Variants in CORO7 observed in about 807,000 individuals in gnomAD.
CORO7 encodes the protein coronin 7, also known as coronin-7.
A neutral mutation model predicts 126.6 loss-of-function variants in CORO7; 107 were observed. The observed-to-expected ratio is 0.85, with a 90% confidence interval of 0.72 to 0.99. The LOEUF (loss-of-function observed/expected upper bound fraction) is 0.99, where lower values mean the gene tolerates loss of function less well. CORO7 is among the 50% of genes least tolerant of loss of function. The probability of loss-of-function intolerance (pLI) is 0.00; values close to 1 mark genes in which losing one functional copy is unlikely to be tolerated. For synonymous variants in CORO7, 603 were observed against 536.8 expected, an observed-to-expected ratio of 1.12 and a Z score of -1.70; for missense variants, 1,314 against 1,255.8, an observed-to-expected ratio of 1.05 and a Z score of -0.70.
Position 4,395,189 on chromosome 16 carries a change from C to T in CORO7, c.615+100G>A, listed in dbSNP as rs966322003. 12 of 1,554,588 alleles carry T rather than the reference C, an allele frequency of 7.7e-6. No homozygotes were observed. In the Admixed American group the frequency reaches 2.2e-4, roughly 28 times the overall value. Reference sequence around the variant, plus strand: ...CCCCTGGTGCTGCAGAACATGTCTGCCAGGACCCCAGGCCTGCCCCTACCT... The same window carrying T: ...CCCCTGGTGCTGCAGAACATGTCTGTCAGGACCCCAGGCCTGCCCCTACCT... On this transcript the variant is annotated intron_variant, in intron 7 of 27. Coordinates refer to ENST00000251166, the MANE Select transcript of CORO7 (RefSeq NM_024535.5).
At chr16:4,368,101 C>T (rs1342928708) in intron 9 of CORO7, among the ~76,000 whole-genome samples, 1 of 152,158 alleles carries the variant, frequency 6.6e-6, no homozygotes, top group East Asian at 1.9e-4. Flanking sequence ...AATCCCAGCA[C>T]TTTGGGAGGC....
chr16:4,395,254 G>A, intron 7 of CORO7, 35 bp downstream of exon 7: 1 of 1,613,796 alleles, frequency 6.2e-7, no homozygotes, highest in Non-Finnish European at 8.5e-7. Flanking sequence ...CTCAGTGGAG[G>A]CTTCAACCCA....
At chr16:4,390,717 T>C (rs1245908277) in intron 7 of CORO7, among the ~76,000 whole-genome samples, 2 of 152,144 alleles carry the variant, frequency 1.3e-5, no homozygotes, top group African/African-American at 4.8e-5. Flanking sequence ...CTAATTCACA[T>C]GTGGGAAGCC....
chr16:4,388,821 A>G (rs1555476925), intron 7 of CORO7, among the ~76,000 whole-genome samples, 190 bp from the exon 8 acceptor site: 1 of 152,100 alleles, frequency 6.6e-6, no homozygotes, highest in Non-Finnish European at 1.5e-5. Context: ...CCCGGGGATC[A>G]GCCCCGCCTC....
intron 9 of CORO7, among the ~76,000 whole-genome samples, chr16:4,386,003 C>T (rs2055180777): frequency 6.6e-6 from 1 of 152,218 alleles, no homozygotes. Flanking sequence ...CTCAGAGGCC[C>T]CGGCACCCCA....
At chr16:4,388,162 G>A in intron 8 of CORO7, 94 bp from the exon 9 acceptor site, 20 of 1,481,818 alleles carry the variant, frequency 1.3e-5, no homozygotes, top group Non-Finnish European at 1.7e-5. Flanking sequence ...GGTGCAGCCT[G>A]ACACGGGGCA....
rs1275079678 is a variant in CORO7, at chr16:4,381,828, C to T, written c.785+6158G>A. The stretch of plus-strand genomic sequence containing the variant: ...TTGGCCCCTGGGTGCGCGAGAGCCA[C>T]GTCACACTGGCCAGCCCTGAGGAGA... On this transcript the variant is annotated intron_variant, in intron 9 of 27. Transcript: ENST00000251166. 17 of 1,601,198 alleles carry T rather than the reference C, an allele frequency of 1.1e-5. No individual in the cohort carries two copies. The East Asian group carries it at 3.1e-4, about 29-fold the overall frequency.
chr16:4,383,118 G>A (rs1359256923), intron 9 of CORO7: 1 of 555,668 alleles, frequency 1.8e-6, no homozygotes, highest in African/African-American at 2.0e-5. Context: ...CCAGAACCGA[G>A]TGCCTATGAG....
rs757960747 is a variant in CORO7 at position 4,364,390 on chromosome 16, G to A, written c.1161C>T (p.Pro387=). ...TGAAGCTCGGGTGGGGCCGGCAGGC[G>A]GGGTTGAGGCTGACCTTCTGCACCT... ...NQQVQKVSLN[P]ACRPHPSFTS... The change falls in exon 14 of 28, where the codon CCC becomes CCT. Residue 387 remains proline (P), a synonymous_variant. Coordinates refer to ENST00000251166, the MANE Select transcript of CORO7 (RefSeq NM_024535.5). 18 of 1,511,020 alleles carry A rather than the reference G, an allele frequency of 1.2e-5. No individual in the cohort carries two copies. Among genetic ancestry groups the A allele is most frequent in the Middle Eastern group, 4.1e-4 (2 of 4,840 alleles). 93.6% of individuals were successfully genotyped at this position (1,511,020 alleles called of 1,614,324 possible).
At position 4,354,941 on chromosome 16, in the gene CORO7, G is replaced by C. The variant is rs2053925035; in HGVS notation, c.*217C>G. ...ACCCCTGGCCACATGCTAGCGGGCA[G>C]CTGATGAGCAGCAGCTGACCCCAGA... is the stretch of plus-strand genomic sequence containing the variant. On this transcript the variant is annotated 3_prime_UTR_variant, in exon 28 of 28. Coordinates refer to ENST00000251166, the MANE Select transcript of CORO7 (RefSeq NM_024535.5). The C allele has an allele frequency of 4.1e-6, 2 of 491,958 alleles. No individual in the cohort carries two copies. The highest frequency in any genetic ancestry group is 7.0e-6 in the Non-Finnish European group (2 of 286,020). 30.5% of individuals were successfully genotyped at this position (491,958 alleles called of 1,614,324 possible).
intron 21 of CORO7, 23 bp downstream of exon 21, chr16:4,360,255 G>A (rs1382238744): frequency 1.1e-5 from 18 of 1,613,144 alleles, no homozygotes; most frequent in Admixed American, 1.7e-5. Flanking sequence ...GAAGCCTGGG[G>A]ATGGGGATGC....
Position 4,355,304 on chromosome 16 carries a change from G to A in CORO7, c.2754C>T (p.Gly918=), listed in dbSNP as rs756395820. The A allele has an allele frequency of 8.1e-6, 13 of 1,613,322 alleles. No homozygotes were observed. The highest frequency in any genetic ancestry group is 6.7e-5 in the East Asian group (3 of 44,888). The change falls in exon 27 of 28, where the codon GGC becomes GGT. Residue 918 remains glycine (G), a synonymous_variant. Coordinates refer to ENST00000251166, the MANE Select transcript of CORO7 (RefSeq NM_024535.5). ...TACTCACCCACTCGTCCTCGTCCAC[G>A]CCTTCAAAGGAGTCCTGGGGGAGTG... ...EDPLPQDSFE[G]VDEDEWD
chr16:4,381,660 C>A, intron 9 of CORO7: 1 of 1,603,830 alleles, frequency 6.2e-7, no homozygotes. Flanking sequence ...AGGACCTGGC[C>A]GGCCTGGCTG....
intron 9 of CORO7, among the ~76,000 whole-genome samples, chr16:4,378,285 A>C (rs1028004867): frequency 3.3e-5 from 5 of 151,978 alleles, no homozygotes; most frequent in Admixed American, 1.3e-4. Context: ...GCCTGGAGTG[A>C]GCGCTCTTAA....
chr16:4,415,267 C>T (rs1233813954), intron 1 of CORO7, among the ~76,000 whole-genome samples: 4 of 152,278 alleles, frequency 2.6e-5, no homozygotes, highest in East Asian at 1.9e-4. Flanking sequence ...CATACTGCTC[C>T]GGCCATCCCC....
chr16:4,386,098 C>T (rs1455735076), intron 9 of CORO7, among the ~76,000 whole-genome samples: 1 of 152,182 alleles, frequency 6.6e-6, no homozygotes, highest in African/African-American at 2.4e-5. Context: ...GGGGCTGGCA[C>T]ACATCCTTGG....
At chr16:4,378,164 C>T (rs933485719) in intron 9 of CORO7, among the ~76,000 whole-genome samples, 1 of 152,224 alleles carries the variant, frequency 6.6e-6, no homozygotes, top group Non-Finnish European at 1.5e-5. Context: ...CATGCATCCC[C>T]CACTGCAGCC....
Position 4,355,005 on chromosome 16 carries a change from G to C in CORO7, c.*153C>G. On this transcript the variant is annotated 3_prime_UTR_variant, in exon 28 of 28. Coordinates refer to ENST00000251166, the MANE Select transcript of CORO7 (RefSeq NM_024535.5). ...AAAACAGTCCCTGGGAACTGCCAGA[G>C]GCCCAGAGGATGTGGAAGTGCCCAC... is the stretch of plus-strand genomic sequence containing the variant. 2.6e-6 allele frequency: 2 copies of C among 768,032 alleles called. No homozygotes were observed. Among genetic ancestry groups the C allele is most frequent in the Non-Finnish European group, 3.9e-6 (2 of 513,002 alleles). The allele number at this position is 768,032 out of a possible 1,614,324, so 47.6% of individuals were successfully genotyped here.
chr16:4,413,267 G>C, intron 2 of CORO7, 41 bp downstream of exon 2: 1 of 1,539,422 alleles, frequency 6.5e-7, no homozygotes, highest in Non-Finnish European at 8.8e-7. Context: ...GACGATGACC[G>C]AATATGTGAG....
Sources: gnomAD v4.1 joint callset for allele counts (sites outside exome capture counted in the v4.1 genomes callset) on GRCh38, gnomAD v4.1.1 for gene constraint, MANE v1.5 for transcripts, NCBI Gene and HGNC (gene_info 2026-07-23, HGNC 2026-07-21) for gene names.